The following LRBA variants were observed in gnomAD, a reference collection of about 807,000 sequenced individuals.
LRBA encodes the protein lipopolysaccharide-responsive and beige-like anchor protein.
In LRBA, 176 loss-of-function variants were observed where a neutral mutation model predicts 330.0. That is an observed-to-expected ratio of 0.53 (90% CI 0.47 to 0.60). LRBA has a LOEUF of 0.60. Ranked by LOEUF, LRBA falls within the 20% of genes least tolerant of loss-of-function variation. The pLI is 0.00. For missense variants in LRBA, 3,259 were observed against 3,444.8 expected (o/e 0.95, Z 1.35); for synonymous variants, 1,230 against 1,193.0 (o/e 1.03, Z -0.64).
chr4:150,735,276 G>A lies in LRBA; in HGVS notation c.5736C>T (p.His1912=), dbSNP rs777168509. 3 of 1,613,178 alleles carry A rather than the reference G, an allele frequency of 1.9e-6. No individual in the cohort carries two copies. The highest frequency in any genetic ancestry group is 2.5e-6 in the Non-Finnish European group (3 of 1,179,220). Residue 1912 remains histidine, a synonymous_variant, in exon 36 of 57, where the codon CAC becomes CAT. Transcript: ENST00000651943. Reference sequence around the variant, plus strand: ...AACCTACCTCAAATTCCGCATGTCTGTGAATATCTTCTGCTCTCTGCCTGC... The same window carrying A: ...AACCTACCTCAAATTCCGCATGTCTATGAATATCTTCTGCTCTCTGCCTGC... ...ILSRQRAEDI[H]RHAEFESLCA...
At chr4:150,606,870 A>C (rs1431037552) in intron 37 of LRBA, among the ~76,000 whole-genome samples, 1 of 152,206 alleles carries the variant, frequency 6.6e-6, no homozygotes, top group Non-Finnish European at 1.5e-5. Context: ...CATGAAGAGA[A>C]GGGTTTATGC....
intron 52 of LRBA, among the ~76,000 whole-genome samples, chr4:150,303,866 C>T (rs1730009543): frequency 6.6e-6 from 1 of 150,444 alleles, no homozygotes; most frequent in Non-Finnish European, 1.5e-5. Context: ...AGCCACCGTG[C>T]CCAGCAGCCC....
At chr4:150,819,206 T>C (rs1157807017) in intron 30 of LRBA, among the ~76,000 whole-genome samples, 1 of 150,926 alleles carries the variant, frequency 6.6e-6, no homozygotes, top group African/African-American at 2.4e-5. Context: ...TTTTTTAACA[T>C]GCATGTCTAG....
At chr4:150,445,377 C>CTCTCTCTCTATA (rs1454079183) in intron 44 of LRBA, among the ~76,000 whole-genome samples, 3 of 78,632 alleles carry the variant, frequency 3.8e-5, no homozygotes, top group Admixed American at 1.7e-4. Flanking sequence ...CTCTCTCTCT[C>CTCTCTCTCTATA]TATATATATA....
chr4:150,493,774 T>G (rs1015295721), intron 40 of LRBA, among the ~76,000 whole-genome samples: 5 of 152,224 alleles, frequency 3.3e-5, no homozygotes, highest in African/African-American at 9.6e-5. Flanking sequence ...GAATCCAATA[T>G]ATGTTCTGCA....
intron 37 of LRBA, among the ~76,000 whole-genome samples, chr4:150,615,073 T>C (rs992572832): frequency 3.3e-5 from 5 of 152,226 alleles, no homozygotes; most frequent in Admixed American, 6.5e-5. Context: ...GTGTCAGTTA[T>C]GCAGATATCT....
In LRBA at chr4:150,383,779, A is replaced by G. The variant is rs1381007746; in HGVS notation, c.7194+31659T>C. Among the ~76,000 whole-genome samples, 3 of 152,142 alleles carry G rather than the reference A, an allele frequency of 2.0e-5. No individual in the cohort carries two copies. The East Asian group carries it at 5.8e-4, about 29-fold the overall frequency. ...TAACAAAATGCAAGTAGCAACTGCT[A>G]ACTTCCTGAGGGCAGAAATTTAAAA... On this transcript the variant is annotated intron_variant, in intron 47 of 56. Coordinates refer to ENST00000651943, the MANE Select transcript of LRBA (RefSeq NM_001364905.1).
chr4:150,304,889 C>T (rs1373364850), intron 52 of LRBA, among the ~76,000 whole-genome samples: 1 of 152,050 alleles, frequency 6.6e-6, no homozygotes, highest in East Asian at 1.9e-4. Context: ...ATTTTAACTA[C>T]TGAAAGAAAT....
chr4:150,924,818 T>C (rs1733709899), intron 4 of LRBA, among the ~76,000 whole-genome samples: 2 of 152,196 alleles, frequency 1.3e-5, no homozygotes, highest in African/African-American at 2.4e-5. Flanking sequence ...ACTATTCTCA[T>C]TCTCCTCCCC....
At position 150,490,829 on chromosome 4, in the gene LRBA, C is replaced by G. The variant is rs937739667; in HGVS notation, c.6448+89G>C. The G allele has an allele frequency of 4.2e-5, 27 of 644,204 alleles. No homozygotes were observed. The Admixed American group carries it at 6.4e-4, about 15-fold the overall frequency. The allele number at this position is 644,204 out of a possible 1,614,324, so 39.9% of individuals were successfully genotyped here. Reference sequence around the variant, plus strand: ...CAGAAGGTGGGCTACAAATAACTATCTAAATTGAAGCAATATGGTATGTTC... The same window carrying G: ...CAGAAGGTGGGCTACAAATAACTATGTAAATTGAAGCAATATGGTATGTTC... On this transcript the variant is annotated intron_variant, in intron 41 of 56. Transcript: ENST00000651943.
rs575174922 is a variant in LRBA, at chr4:150,921,090, G to A, written c.645+108C>T. 1.2e-5 allele frequency: 8 copies of A among 666,316 alleles called. No individual in the cohort carries two copies. In the African/African-American group the frequency reaches 1.4e-4, roughly 12 times the overall value. 41.3% of individuals were successfully genotyped at this position (666,316 alleles called of 1,614,324 possible). A position where few individuals can be genotyped will look rare whatever the true frequency, so the allele number is the denominator to read the frequency against. ...CATAAGGATTAAAGTATGTTGAGCA[G>A]AAGTTTCTACCTAGCACAGAACCTG... is the stretch of plus-strand genomic sequence containing the variant. On this transcript the variant is annotated intron_variant, in intron 5 of 56. Coordinates refer to ENST00000651943, the MANE Select transcript of LRBA (RefSeq NM_001364905.1).
intron 40 of LRBA, among the ~76,000 whole-genome samples, chr4:150,521,376 G>A (rs1391150012): frequency 2.6e-5 from 4 of 151,788 alleles, no homozygotes; most frequent in African/African-American, 7.3e-5. Flanking sequence ...TTTCCTCTAG[G>A]TACTATTTTG....
At position 150,390,306 on chromosome 4, in the gene LRBA, T is replaced by C. The variant is rs564581254; in HGVS notation, c.7194+25132A>G. ...TTCTTGATAAATCCAAACCACAGAA[T>C]GTGCTTTCCCTGGACTTAACACTTT... On this transcript the variant is annotated intron_variant, in intron 47 of 56. Transcript: ENST00000651943. Among the ~76,000 whole-genome samples the C allele has an allele frequency of 4.6e-5, 7 of 152,324 alleles. No individual in the cohort carries two copies. The South Asian group carries it at 1.5e-3, about 32-fold the overall frequency.
chr4:150,871,903 C>T (rs1164098715), intron 18 of LRBA, among the ~76,000 whole-genome samples: 1 of 151,994 alleles, frequency 6.6e-6, no homozygotes, highest in Admixed American at 6.6e-5. Context: ...AACATATATA[C>T]CAAAATTAAC....
chr4:150,504,243 G>A (rs1394415477), intron 40 of LRBA, among the ~76,000 whole-genome samples: 21 of 152,024 alleles, frequency 1.4e-4, no homozygotes, highest in Admixed American at 1.2e-3. Context: ...TACAGAGAAC[G>A]CCACAAAGAT....
intron 44 of LRBA, among the ~76,000 whole-genome samples, chr4:150,460,235 G>T (rs1318124419): frequency 6.6e-6 from 1 of 151,740 alleles, no homozygotes; most frequent in African/African-American, 2.4e-5. Flanking sequence ...CAAGATGCAT[G>T]CTGTATATTA....
chr4:150,984,721 G>C (rs189142010), intron 2 of LRBA, among the ~76,000 whole-genome samples: 1 of 152,192 alleles, frequency 6.6e-6, no homozygotes, highest in East Asian at 1.9e-4. Context: ...TTGTGTGTGT[G>C]TCTGTAACAG....
Position 150,588,054 on chromosome 4 carries a change from G to A in LRBA, c.6324C>T (p.Asp2108=), listed in dbSNP as rs375803883. ...DEEDPNFKKI[D]PKILAYTEGL... Reference sequence around the variant, plus strand: ...AACCCCTTCATCTTCTCACCTTGGGGTCGATTTTTTTGAAGTTAGGATCCT... The same window carrying A: ...AACCCCTTCATCTTCTCACCTTGGGATCGATTTTTTTGAAGTTAGGATCCT... The change falls in exon 40 of 57, where the codon GAC becomes GAT. Residue 2108 remains aspartate, a synonymous_variant. Transcript: ENST00000651943. 7.4e-6 allele frequency: 12 copies of A among 1,611,778 alleles called. No individual in the cohort carries two copies. The highest frequency in any genetic ancestry group is 4.4e-5 in the South Asian group (4 of 90,394).
At chr4:150,954,810 C>A (rs1579311270) in intron 2 of LRBA, among the ~76,000 whole-genome samples, 15 of 55,002 alleles carry the variant, frequency 2.7e-4, no homozygotes, top group South Asian at 6.9e-4. Flanking sequence ...AACCTAGACT[C>A]AGAAATCAAA....
Sources: allele counts gnomAD v4.1 joint callset (sites outside exome capture counted in the v4.1 genomes callset), GRCh38; gene constraint gnomAD v4.1.1; transcripts MANE v1.5; gene names NCBI Gene and HGNC (gene_info 2026-07-23, HGNC 2026-07-21).